The following ENTREP2 variants were observed in gnomAD, a reference collection of about 807,000 sequenced individuals.
ENTREP2 encodes endosomal transmembrane epsin interactor 2.
At chr15:29,326,390 A>G in the ENTREP2 span, among the ~76,000 whole-genome samples, 1 of 152,196 alleles carries the variant, frequency 6.6e-6, no homozygotes, top group Non-Finnish European at 1.5e-5. Flanking sequence ...ATACAATATT[A>G]ATATACAAAA....
the ENTREP2 span, among the ~76,000 whole-genome samples, chr15:29,539,339 T>C: frequency 6.6e-6 from 1 of 152,122 alleles, no homozygotes; most frequent in South Asian, 2.1e-4. Context: ...GATCACACTC[T>C]GAAACCCTCT....
chr15:29,630,178 C>A, the ENTREP2 span, among the ~76,000 whole-genome samples: 1 of 152,210 alleles, frequency 6.6e-6, no homozygotes, highest in East Asian at 1.9e-4. Context: ...GCAACAAATT[C>A]TATTCCTTTG....
the ENTREP2 span, among the ~76,000 whole-genome samples, chr15:29,164,589 TTA>T: frequency 6.6e-6 from 1 of 152,162 alleles, no homozygotes; most frequent in East Asian, 1.9e-4. Flanking sequence ...AAGTGGGACA[TTA>T]TATAATAGTA....
At chr15:29,311,237 T>C in the ENTREP2 span, among the ~76,000 whole-genome samples, 1 of 152,252 alleles carries the variant, frequency 6.6e-6, no homozygotes, top group Admixed American at 6.5e-5. Flanking sequence ...TTGTGTCTTG[T>C]ATCATTATAT....
chr15:29,650,020 A>G, the ENTREP2 span, among the ~76,000 whole-genome samples: 1 of 152,142 alleles, frequency 6.6e-6, no homozygotes. Context: ...GGTGGGACAC[A>G]GGTCTGAGCT....
chr15:29,652,776 G>T, the ENTREP2 span, among the ~76,000 whole-genome samples: 1 of 152,198 alleles, frequency 6.6e-6, no homozygotes, highest in African/African-American at 2.4e-5. Context: ...TGTGTGCAGC[G>T]GCCGGACTCC....
the ENTREP2 span, among the ~76,000 whole-genome samples, chr15:29,465,076 G>A: frequency 6.6e-6 from 1 of 152,020 alleles, no homozygotes; most frequent in African/African-American, 2.4e-5. Context: ...AGGCAGTGAC[G>A]ATGCGGTTGG....
chr15:29,130,724 A>C, the ENTREP2 span, among the ~76,000 whole-genome samples: 6 of 152,196 alleles, frequency 3.9e-5, no homozygotes, highest in African/African-American at 1.4e-4. Context: ...TCTCGCAAGC[A>C]GAGTGTCAAG....
At chr15:29,440,169 C>T in the ENTREP2 span, among the ~76,000 whole-genome samples, 1 of 152,092 alleles carries the variant, frequency 6.6e-6, no homozygotes, top group Non-Finnish European at 1.5e-5. Flanking sequence ...GATAAAAAGA[C>T]CATTAGTAGA....
At chr15:29,192,446 C>G in the ENTREP2 span, among the ~76,000 whole-genome samples, 11 of 152,156 alleles carry the variant, frequency 7.2e-5, no homozygotes, top group Admixed American at 2.0e-4. Context: ...ATTACAACAA[C>G]AAGAAGAAGA....
chr15:29,158,515 C>T, the ENTREP2 span, among the ~76,000 whole-genome samples: 1 of 151,326 alleles, frequency 6.6e-6, no homozygotes, highest in Non-Finnish European at 1.5e-5. Flanking sequence ...AAGGGATTCT[C>T]CTGCCTCAGC....
chr15:29,622,487 C>A, the ENTREP2 span, among the ~76,000 whole-genome samples: 1 of 152,098 alleles, frequency 6.6e-6, no homozygotes, highest in Non-Finnish European at 1.5e-5. Context: ...AGATTACAGG[C>A]GTGAGCCACC....
At chr15:29,234,613 A>G in the ENTREP2 span, 1 of 1,543,584 alleles carries the variant, frequency 6.5e-7, no homozygotes, top group Non-Finnish European at 9.0e-7. Context: ...TTGTGCAGCT[A>G]GTTTTGATGC....
At chr15:29,422,270 C>CAA in the ENTREP2 span, among the ~76,000 whole-genome samples, 2 of 143,628 alleles carry the variant, frequency 1.4e-5, no homozygotes, top group African/African-American at 5.1e-5. Context: ...AACTCCGTGT[C>CAA]AAAAAAAAAG....
At chr15:29,439,941 GA>G in the ENTREP2 span, among the ~76,000 whole-genome samples, 67 of 152,254 alleles carry the variant, frequency 4.4e-4, 1 homozygote, top group East Asian at 0.011. Context: ...ATGATGTGAT[GA>G]GGGGGGTACC....
chr15:29,372,239 A>G, the ENTREP2 span, among the ~76,000 whole-genome samples: 1 of 152,006 alleles, frequency 6.6e-6, no homozygotes, highest in African/African-American at 2.4e-5. Context: ...TCCTCAGCCT[A>G]CTCAACTGAT....
the ENTREP2 span, among the ~76,000 whole-genome samples, chr15:29,582,809 G>A: frequency 1.4e-3 from 216 of 152,028 alleles, 1 homozygote; most frequent in African/African-American, 5.0e-3. Flanking sequence ...GCGCCACCAC[G>A]CCTGGCTGAT....
chr15:29,134,858 G>C, the ENTREP2 span, among the ~76,000 whole-genome samples: 1 of 152,136 alleles, frequency 6.6e-6, no homozygotes, highest in African/African-American at 2.4e-5. Flanking sequence ...GAGCATTGGG[G>C]GTGACATCAA....
the ENTREP2 span, among the ~76,000 whole-genome samples, chr15:29,515,513 C>G: frequency 1.3e-5 from 2 of 152,164 alleles, no homozygotes; most frequent in African/African-American, 4.8e-5. Flanking sequence ...ATCTGGGCAT[C>G]TGTTAGCCCA....
Sources: allele counts gnomAD v4.1 joint callset (sites outside exome capture counted in the v4.1 genomes callset), GRCh38; gene constraint gnomAD v4.1.1; transcripts MANE v1.5; gene names NCBI Gene and HGNC (gene_info 2026-07-23, HGNC 2026-07-21).